Variants in CACNA1B observed in about 807,000 individuals in gnomAD.
CACNA1B encodes voltage-dependent N-type calcium channel subunit alpha-1B.
A neutral mutation model predicts 247.2 loss-of-function variants in CACNA1B; 70 were observed. The ratio of observed to expected loss-of-function variants is 0.28; its 90% CI spans 0.23 to 0.35. CACNA1B has a LOEUF of 0.35. CACNA1B is among the 10% of genes least tolerant of loss of function. The pLI is 1.00. For missense variants in CACNA1B, 2,367 were observed against 3,197.4 expected (o/e 0.74, Z 6.26); for synonymous variants, 1,231 against 1,294.4 (o/e 0.95, Z 1.05).
At chr9:137,999,754 C>T (rs970481813) in intron 15 of CACNA1B, among the ~76,000 whole-genome samples, 1 of 152,140 alleles carries the variant, frequency 6.6e-6, no homozygotes, top group Non-Finnish European at 1.5e-5. Context: ...AGCGATCCTC[C>T]CACCTCAGCC....
chr9:138,049,107 A>G, intron 23 of CACNA1B, 102 bp from the exon 24 acceptor site: 3 of 796,694 alleles, frequency 3.8e-6, no homozygotes, highest in Non-Finnish European at 6.7e-6. Context: ...TGCCTGCCTC[A>G]GCCTCCCCAA....
chr9:137,957,548 G>A lies in CACNA1B; in HGVS notation c.1244-50G>A, dbSNP rs200424770. ...ATCCCATGCCCCGCTGAGGCAGGTG[G>A]CCTGAGGGCTGCAGCTCAGGCAGTC... On this transcript the variant is annotated intron_variant, in intron 9 of 46. Transcript: ENST00000371372. The surrounding 1 kb of genome is among the most constrained non-coding windows in gnomAD (Gnocchi z 4.7). 6.4e-6 allele frequency: 9 copies of A among 1,410,518 alleles called. No individual in the cohort carries two copies. The highest frequency in any genetic ancestry group is 8.7e-6 in the Non-Finnish European group (9 of 1,037,582). The allele number at this position is 1,410,518 out of a possible 1,614,324, so 87.4% of individuals were successfully genotyped here.
chr9:137,914,963 AC>A lies in CACNA1B; in HGVS notation c.775+158del, dbSNP rs1449684165. 8.5e-5 allele frequency among the ~76,000 whole-genome samples: 13 copies of A among 152,356 alleles called. No homozygotes were observed. The highest frequency in any genetic ancestry group is 3.1e-4 in the African/African-American group (13 of 41,586). On this transcript the variant is annotated intron_variant, in intron 5 of 46. Transcript: ENST00000371372. The surrounding 1 kb of genome is among the most constrained non-coding windows in gnomAD (Gnocchi z 4.3). ...GGGGACATAGACGATAGCCTGATAAACACAAGTAAATAAACACAGAAATATA... is the reference window on the plus strand; with the variant it reads ...GGGGACATAGACGATAGCCTGATAAAACAAGTAAATAAACACAGAAATATA...
At chr9:138,109,571 C>T (rs146822795) in intron 39 of CACNA1B, among the ~76,000 whole-genome samples, 24 of 152,282 alleles carry the variant, frequency 1.6e-4, no homozygotes, top group African/African-American at 5.8e-4. Context: ...TTCTGTGGAT[C>T]AGGGCCCCAC....
chr9:138,105,843 C>T, intron 39 of CACNA1B, 36 bp downstream of exon 39: 1 of 1,170,808 alleles, frequency 8.5e-7, no homozygotes. Context: ...GGCCCTGGAC[C>T]CAGGGATGTG....
intron 36 of CACNA1B, among the ~76,000 whole-genome samples, chr9:138,094,183 C>A (rs892213645): frequency 6.6e-6 from 1 of 152,132 alleles, no homozygotes; most frequent in African/African-American, 2.4e-5. Flanking sequence ...AGGACAGACA[C>A]TGTATGATTC....
At position 138,104,054 on chromosome 9, in the gene CACNA1B, T is replaced by C. The variant is rs75692706; in HGVS notation, c.5319+1247T>C. Among the ~76,000 whole-genome samples, 400 of 152,326 alleles carry C rather than the reference T, an allele frequency of 2.6e-3. 5 individuals are homozygous for C. The East Asian group carries it at 0.038, about 14-fold the overall frequency. On this transcript the variant is annotated intron_variant, in intron 38 of 46. Transcript: ENST00000371372. ...GGCAGGGCCATGATGGAGCAGCCTT[T>C]GGAGCCCCACCCAGCTGTGCTGGCT...
At chr9:138,037,292 C>T (rs1389373721) in intron 20 of CACNA1B, among the ~76,000 whole-genome samples, 2 of 152,210 alleles carry the variant, frequency 1.3e-5, no homozygotes, top group Non-Finnish European at 2.9e-5. Context: ...CTAGCAGCAT[C>T]CCTGGCCTCT....
intron 22 of CACNA1B, 98 bp downstream of exon 22, chr9:138,047,131 T>C: frequency 8.6e-7 from 1 of 1,168,872 alleles, no homozygotes; most frequent in Non-Finnish European, 1.2e-6. Flanking sequence ...TGAGGTCCTG[T>C]CGTCTCACAG....
chr9:138,059,334 A>G lies in CACNA1B; in HGVS notation c.4584+145A>G. ...TGTAATGCTACAGGGGCCCTGGGGA[A>G]GGGGCTGTTCTGAGACTCTTGGCTA... On this transcript the variant is annotated intron_variant, in intron 30 of 46. Transcript: ENST00000371372. The surrounding 1 kb of genome is among the most constrained non-coding windows in gnomAD (Gnocchi z 4.2). 4.7e-6 allele frequency: 3 copies of G among 642,238 alleles called. No individual in the cohort carries two copies. Among genetic ancestry groups the G allele is most frequent in the Non-Finnish European group, 8.6e-6 (3 of 347,674 alleles). The allele number at this position is 642,238 out of a possible 1,614,324, so 39.8% of individuals were successfully genotyped here.
intron 6 of CACNA1B, among the ~76,000 whole-genome samples, chr9:137,941,693 C>G (rs968041484): frequency 6.6e-6 from 1 of 151,906 alleles, no homozygotes; most frequent in Non-Finnish European, 1.5e-5. Flanking sequence ...AGAAATAAAC[C>G]CAAATACTTA....
At chr9:137,894,303 T>A (rs1329273092) in intron 3 of CACNA1B, among the ~76,000 whole-genome samples, 1 of 96,630 alleles carries the variant, frequency 1.0e-5, no homozygotes, top group Non-Finnish European at 1.7e-5. Context: ...TGTCTCTGTA[T>A]TTTTTTTTTT....
At position 137,882,232 on chromosome 9, in the gene CACNA1B, G is replaced by T. The variant is rs1956933113; in HGVS notation, c.391-512G>T. Among the ~76,000 whole-genome samples, 1 of 152,206 alleles carries T rather than the reference G, an allele frequency of 6.6e-6. No homozygotes were observed. The highest frequency in any genetic ancestry group is 1.5e-5 in the Non-Finnish European group (1 of 68,036). On this transcript the variant is annotated intron_variant, in intron 2 of 46. Coordinates refer to ENST00000371372, the MANE Select transcript of CACNA1B (RefSeq NM_000718.4). The surrounding 1 kb of genome is among the most constrained non-coding windows in gnomAD (Gnocchi z 4.0). Reference sequence around the variant, plus strand: ...TTGTGCAGGTTCCCACCCAGAGGCTGCTGTGGCCTCTGCCTGGCTCCTGGG... The same window carrying T: ...TTGTGCAGGTTCCCACCCAGAGGCTTCTGTGGCCTCTGCCTGGCTCCTGGG...
rs111468047 is a variant in CACNA1B, at chr9:138,052,222, CTGTGTGTGTGTGCG to C, written c.3807+61_3807+74del. ...CTGGAGTTGGGGCTTGAGGGATGTGCTGTGTGTGTGTGCGTGTGTGTGTGTGCGTGTGTGTGTGT... is the reference window on the plus strand; with the variant it reads ...CTGGAGTTGGGGCTTGAGGGATGTGCTGTGTGTGTGTGCGTGTGTGTGTGT... On this transcript the variant is annotated intron_variant, in intron 25 of 46. Coordinates refer to ENST00000371372, the MANE Select transcript of CACNA1B (RefSeq NM_000718.4). The surrounding 1 kb of genome is among the most constrained non-coding windows in gnomAD (Gnocchi z 5.1). 4.5e-4 allele frequency: 486 copies of C among 1,080,650 alleles called. 2 individuals carry two copies. The highest frequency in any genetic ancestry group is 6.4e-4 in the Admixed American group (33 of 51,284). The allele number at this position is 1,080,650 out of a possible 1,614,324, so 66.9% of individuals were successfully genotyped here. A position where few individuals can be genotyped will look rare whatever the true frequency, so the allele number is the denominator to read the frequency against.
chr9:138,009,602 T>C (rs1012525226), intron 16 of CACNA1B, among the ~76,000 whole-genome samples: 3 of 152,096 alleles, frequency 2.0e-5, no homozygotes, highest in African/African-American at 7.2e-5. Context: ...GGAGGCTTCT[T>C]GTGCTGGCCG....
intron 19 of CACNA1B, 116 bp downstream of exon 19, chr9:138,023,927 C>T: frequency 4.8e-6 from 3 of 619,788 alleles, no homozygotes. Flanking sequence ...GGCCACGCTG[C>T]CATGTCCAGA....
intron 37 of CACNA1B, among the ~76,000 whole-genome samples, chr9:138,098,414 C>T (rs1416502809): frequency 6.6e-6 from 1 of 152,130 alleles, no homozygotes; most frequent in Non-Finnish European, 1.5e-5. Context: ...TTTAGAGAGT[C>T]GCTGCTTTTT....
In CACNA1B at chr9:138,023,717, G is replaced by A; in HGVS notation, c.2974G>A (p.Val992Met). The change falls in exon 19 of 47, where the codon GTG becomes ATG. Residue 992 changes from valine (V) to methionine (M), a missense_variant. By Grantham distance (21) the Val-to-Met change is conservative (BLOSUM62 1). Around this residue, in one of 12 missense-constraint regions of CACNA1B, gnomAD observed 631 missense variants for 631.1 expected, o/e 1.00. Coordinates refer to ENST00000371372, the MANE Select transcript of CACNA1B (RefSeq NM_000718.4). Reference protein sequence around the residue: ...RHKAQPAHEAVEKETTEKEAT... With the variant: ...RHKAQPAHEAMEKETTEKEAT... ...CAAGGCGCAGCCTGCTCACGAGGCTGTGGAGAAGGAGACCACGGAGAAGGA... is the reference window on the plus strand; with the variant it reads ...CAAGGCGCAGCCTGCTCACGAGGCTATGGAGAAGGAGACCACGGAGAAGGA... The A allele has an allele frequency of 1.3e-6, 2 of 1,541,792 alleles. No homozygotes were observed. Among genetic ancestry groups the A allele is most frequent in the South Asian group, 1.2e-5 (1 of 83,870 alleles).
chr9:138,073,940 C>T lies in CACNA1B; in HGVS notation c.4792-61C>T, dbSNP rs1440888998. ...GACCTCAAAGGCCCAGCCACCGTAG[C>T]AGGAGGCCTGGGCGTGGTGGCTGGG... On this transcript the variant is annotated intron_variant, in intron 33 of 46. Transcript: ENST00000371372. The surrounding 1 kb of genome is among the most constrained non-coding windows in gnomAD (Gnocchi z 6.4). The T allele has an allele frequency of 1.1e-5, 15 of 1,363,764 alleles. No individual in the cohort carries two copies. The highest frequency in any genetic ancestry group is 4.6e-5 in the East Asian group (2 of 43,788). 84.5% of individuals were successfully genotyped at this position (1,363,764 alleles called of 1,614,324 possible). A position where few individuals can be genotyped will look rare whatever the true frequency, so the allele number is the denominator to read the frequency against.
Sources: gnomAD v4.1 joint callset for allele counts (sites outside exome capture counted in the v4.1 genomes callset) on GRCh38, gnomAD v4.1.1 for gene constraint, gnomAD v4.1.1 regional missense constraint, Gnocchi (gnomAD v3.1) non-coding constraint, MANE v1.5 for transcripts, NCBI Gene and HGNC (gene_info 2026-07-23, HGNC 2026-07-21) for gene names.